The following SKOR2 variants were observed in gnomAD, a reference collection of about 807,000 sequenced individuals.
The protein encoded by SKOR2 is LBX1 corepressor 1-like protein.
SKOR2 carries 47 observed loss-of-function variants against 69.1 expected under a neutral mutation model. The observed-to-expected ratio is 0.68, with a 90% CI of 0.54 to 0.87. The LOEUF (loss-of-function observed/expected upper bound fraction) is 0.87, where lower values mean the gene tolerates loss of function less well. SKOR2 is among the 40% of genes least tolerant of loss of function. SKOR2 has a pLI of 0.00. For missense variants in SKOR2, 1,404 were observed against 1,472.2 expected, an observed-to-expected ratio of 0.95 and a Z score of 0.76; for synonymous variants, 717 against 672.6, an observed-to-expected ratio of 1.07 and a Z score of -1.02.
chr18:47,217,198 T>A (rs2064146635), intron 7 of SKOR2, among the ~76,000 whole-genome samples: 1 of 152,218 alleles, frequency 6.6e-6, no homozygotes, highest in East Asian at 1.9e-4. Flanking sequence ...TCCACTATTG[T>A]AGGTACTACT....
Position 47,247,043 on chromosome 18 carries a change from C to A in SKOR2, c.2141G>T (p.Arg714Leu). Residue 714 changes from arginine to leucine, a missense_variant, in exon 2 of 9, where the codon CGA (arginine) becomes CTA (leucine). Transcript: ENST00000425639. This position sits in a 1 kb window ranked among gnomAD's most constrained non-coding sequence, Gnocchi z 6.6. ...PPPLAQHPHH[R>L]GLLSPGGTSC... ...GGTTCCCCCGGGAGACAGAAGGCCT[C>A]GGTGGTGCGGGTGCTGGGCCAGAGG... The A allele has an allele frequency of 7.3e-7, 1 of 1,374,514 alleles. No individual in the cohort carries two copies. Among genetic ancestry groups the A allele is most frequent in the East Asian group, 4.1e-5 (1 of 24,160 alleles). 85.1% of individuals were successfully genotyped at this position (1,374,514 alleles called of 1,614,324 possible).
chr18:47,242,006 A>G (rs2064251048), intron 4 of SKOR2, among the ~76,000 whole-genome samples: 1 of 152,206 alleles, frequency 6.6e-6, no homozygotes, highest in Non-Finnish European at 1.5e-5. Flanking sequence ...TGGAATTTTT[A>G]TATGAACACC....
rs1252712461 is a variant in SKOR2 at position 47,246,638 on chromosome 18, C to T, written c.2546G>A (p.Gly849Asp). The T allele has an allele frequency of 1.3e-6, 2 of 1,519,684 alleles. No homozygotes were observed. The highest frequency in any genetic ancestry group is 1.8e-6 in the Non-Finnish European group (2 of 1,140,568). 94.1% of individuals were successfully genotyped at this position (1,519,684 alleles called of 1,614,324 possible). Residue 849 changes from glycine to aspartate, a missense_variant, in exon 2 of 9, where the codon GGC becomes GAC. Gly to Asp is a moderately conservative substitution (Grantham distance 94). Transcript: ENST00000425639. ...PPLAPQKASGGGSSSPGSPVH... is the reference protein window; with the variant it reads ...PPLAPQKASGDGSSSPGSPVH... Reference sequence around the variant, plus strand: ...TGGGCTGCCCGGGCTGCTGCTGCCGCCGCCACTCGCCTTCTGGGGGGCCAG... The same window carrying T: ...TGGGCTGCCCGGGCTGCTGCTGCCGTCGCCACTCGCCTTCTGGGGGGCCAG...
rs748154246 is a variant in SKOR2 at position 47,248,730 on chromosome 18, C to A, written c.454G>T (p.Ala152Ser). 54 of 1,553,980 alleles carry A rather than the reference C, an allele frequency of 3.5e-5. No homozygotes were observed. Among genetic ancestry groups the A allele is most frequent in the Non-Finnish European group, 4.6e-5 (53 of 1,156,146 alleles). The change falls in exon 2 of 9, where the codon GCC becomes TCC. Residue 152 changes from alanine to serine, a missense_variant. Physicochemically the swap from Ala to Ser is moderately conservative, Grantham distance 99. This residue lies in a region of SKOR2 where 1,266 missense variants were observed against 1,309.9 expected (regional missense o/e 0.97). Coordinates refer to ENST00000425639, the MANE Select transcript of SKOR2 (RefSeq NM_001278063.4). This position sits in a 1 kb window ranked among gnomAD's most constrained non-coding sequence, Gnocchi z 6.4. The part of the protein sequence containing the change: ...NFAFDVSHEC[A>S]WGCRGSFIPA... ...ATGAAGCTGCCGCGGCAGCCCCAGG[C>A]GCACTCGTGTGACACGTCGAAGGCG...
chr18:47,222,710 G>C (rs1244192647), intron 6 of SKOR2, among the ~76,000 whole-genome samples: 4 of 152,194 alleles, frequency 2.6e-5, no homozygotes, highest in African/African-American at 9.6e-5. Flanking sequence ...GACCAGGGTG[G>C]TAAACTAAGA....
chr18:47,249,205 C>T lies in SKOR2; in HGVS notation c.-22G>A, dbSNP rs2064302237. 1.3e-6 allele frequency: 2 copies of T among 1,529,192 alleles called. No individual in the cohort carries two copies. Among genetic ancestry groups the T allele is most frequent in the East Asian group, 2.4e-5 (1 of 40,852 alleles). The allele number at this position is 1,529,192 out of a possible 1,614,324, so 94.7% of individuals were successfully genotyped here. On this transcript the variant is annotated 5_prime_UTR_variant, in exon 2 of 9. Coordinates refer to ENST00000425639, the MANE Select transcript of SKOR2 (RefSeq NM_001278063.4). ...CCATCTCCGCCGCAGAACCCCGGGCCGAGCCCTACAGGTCTGCCTTGGACA... is the reference window on the plus strand; with the variant it reads ...CCATCTCCGCCGCAGAACCCCGGGCTGAGCCCTACAGGTCTGCCTTGGACA...
At position 47,247,318 on chromosome 18, in the gene SKOR2, G is replaced by T. The variant is rs1473034670; in HGVS notation, c.1866C>A (p.Ser622Arg). ...KAGGGSYHHS[S>R]AFRPVGGKDD... ...CCTTGCCGCCCACTGGCCGGAAGGC[G>T]CTGGAATGGTGGTAGCTGCCACCGC... Residue 622 changes from serine (S) to arginine (R), a missense_variant, in exon 2 of 9, where the codon AGC (serine) becomes AGA (arginine). Physicochemically the swap from Ser to Arg is moderately radical, Grantham distance 110. This residue lies in a region of SKOR2 where 1,266 missense variants were observed against 1,309.9 expected (regional missense o/e 0.97). Coordinates refer to ENST00000425639, the MANE Select transcript of SKOR2 (RefSeq NM_001278063.4). This position sits in a 1 kb window ranked among gnomAD's most constrained non-coding sequence, Gnocchi z 6.6. 3 of 1,481,558 alleles carry T rather than the reference G, an allele frequency of 2.0e-6. 1 individual carries two copies. The highest frequency in any genetic ancestry group is 2.7e-6 in the Non-Finnish European group (3 of 1,122,134). 91.8% of individuals were successfully genotyped at this position (1,481,558 alleles called of 1,614,324 possible). A position where few individuals can be genotyped will look rare whatever the true frequency, so the allele number is the denominator to read the frequency against.
At position 47,233,320 on chromosome 18, in the gene SKOR2, A is replaced by G. The variant is rs181978542; in HGVS notation, c.2753-2320T>C. ...CATATAAAAAGAAAATAGAGAGGAA[A>G]TATCTGTGAAGCATTTTAAATATAG... is the stretch of plus-strand genomic sequence containing the variant. On this transcript the variant is annotated intron_variant, in intron 4 of 8. Coordinates refer to ENST00000425639, the MANE Select transcript of SKOR2 (RefSeq NM_001278063.4). Among the ~76,000 whole-genome samples the G allele has an allele frequency of 2.6e-3, 402 of 152,318 alleles. 2 individuals are homozygous for G. The highest frequency in any genetic ancestry group is 3.8e-3 in the Admixed American group (58 of 15,298).
At position 47,248,898 on chromosome 18, in the gene SKOR2, G is replaced by C. The variant is rs1397949602; in HGVS notation, c.286C>G (p.Pro96Ala). The change falls in exon 2 of 9, where the codon CCG becomes GCG. Residue 96 changes from proline to alanine, a missense_variant. Pro to Ala is a conservative substitution (Grantham distance 27). Coordinates refer to ENST00000425639, the MANE Select transcript of SKOR2 (RefSeq NM_001278063.4). The surrounding 1 kb of genome is among the most constrained non-coding windows in gnomAD (Gnocchi z 6.4). ...CGCCGCAGGATCTCCAGTTGCACCG[G>C]CGTGCACTGCACACACGTGATGCCC... is the stretch of plus-strand genomic sequence containing the variant. ...ALGITCVQCT[P>A]VQLEILRRAG... 6.4e-7 allele frequency: 1 copy of C among 1,568,294 alleles called. No homozygotes were observed. The highest frequency in any genetic ancestry group is 8.6e-7 in the Non-Finnish European group (1 of 1,164,460).
intron 7 of SKOR2, among the ~76,000 whole-genome samples, chr18:47,214,609 A>G (rs1033101090): frequency 3.3e-5 from 5 of 152,186 alleles, no homozygotes; most frequent in African/African-American, 1.2e-4. Flanking sequence ...TATTTCACTG[A>G]TTCCAGGATG....
At chr18:47,249,950 T>C (rs1253287192) in intron 1 of SKOR2, among the ~76,000 whole-genome samples, 1 of 152,258 alleles carries the variant, frequency 6.6e-6, no homozygotes, top group Non-Finnish European at 1.5e-5. Context: ...TGAGTGGTTC[T>C]GGTCTCAGAT....
At chr18:47,250,856 CT>C (rs1403485414) in intron 1 of SKOR2, among the ~76,000 whole-genome samples, 2 of 152,200 alleles carry the variant, frequency 1.3e-5, no homozygotes, top group Non-Finnish European at 2.9e-5. Context: ...ACAACCAACA[CT>C]AGCTTCGTCA....
intron 4 of SKOR2, among the ~76,000 whole-genome samples, chr18:47,239,158 T>C (rs970446973): frequency 6.6e-6 from 1 of 152,150 alleles, no homozygotes; most frequent in Non-Finnish European, 1.5e-5. Flanking sequence ...GCACAACATA[T>C]GGCATAGAGA....
intron 4 of SKOR2, among the ~76,000 whole-genome samples, chr18:47,243,598 A>G (rs1239943157): frequency 6.6e-6 from 1 of 152,304 alleles, no homozygotes; most frequent in East Asian, 1.9e-4. Context: ...TTTGTGAAAT[A>G]TCATACTAGG....
chr18:47,224,009 G>A (rs1474867790), intron 6 of SKOR2, among the ~76,000 whole-genome samples: 1 of 151,620 alleles, frequency 6.6e-6, no homozygotes, highest in Non-Finnish European at 1.5e-5. Context: ...GGGTTCAAGC[G>A]ATTCTCCTGC....
chr18:47,247,553 G>T lies in SKOR2; in HGVS notation c.1631C>A (p.Pro544Gln). The T allele has an allele frequency of 8.2e-7, 1 of 1,226,288 alleles. No homozygotes were observed. The highest frequency in any genetic ancestry group is 1.0e-6 in the Non-Finnish European group (1 of 985,084). 76.0% of individuals were successfully genotyped at this position (1,226,288 alleles called of 1,614,324 possible). A position where few individuals can be genotyped will look rare whatever the true frequency, so the allele number is the denominator to read the frequency against. The change falls in exon 2 of 9, where the codon CCA (proline) becomes CAA (glutamine). Residue 544 changes from proline to glutamine, a missense_variant. Around this residue, in one of 3 missense-constraint regions of SKOR2, gnomAD observed 1,266 missense variants for 1,309.9 expected, o/e 0.97. Coordinates refer to ENST00000425639, the MANE Select transcript of SKOR2 (RefSeq NM_001278063.4). This position sits in a 1 kb window ranked among gnomAD's most constrained non-coding sequence, Gnocchi z 6.6. ...QVVANGPGSG[P>Q]PPPAGGAGSR... ...GCCGGCGCCCCCGGCAGGAGGAGGT[G>T]GGCCGGAGCCCGGGCCGTTGGCCAC...
rs1196099543 is a variant in SKOR2 at position 47,248,302 on chromosome 18, G to GGGCGGCGGT, written c.873_881dup (p.Pro292_Pro294dup). On this transcript the variant is annotated inframe_insertion, in exon 2 of 9. Transcript: ENST00000425639. This position sits in a 1 kb window ranked among gnomAD's most constrained non-coding sequence, Gnocchi z 6.4. ...GCGGGGCACCAGCCAGCTCTGCCAAGGGCGGCGGTGGCGGCGGCGGCGGCG... is the reference window on the plus strand; with the variant it reads ...GCGGGGCACCAGCCAGCTCTGCCAAGGGCGGCGGTGGCGGCGGTGGCGGCGGCGGCGGCG... 1 of 1,208,100 alleles carries GGGCGGCGGT rather than the reference G, an allele frequency of 8.3e-7. No individual in the cohort carries two copies. The highest frequency in any genetic ancestry group is 1.0e-6 in the Non-Finnish European group (1 of 975,224). 74.8% of individuals were successfully genotyped at this position (1,208,100 alleles called of 1,614,324 possible).
In SKOR2 at chr18:47,212,124, T is replaced by C. The variant is rs1274587943; in HGVS notation, c.3013A>G (p.Lys1005Glu). The C allele has an allele frequency of 3.2e-6, 4 of 1,231,910 alleles. No individual in the cohort carries two copies. The highest frequency in any genetic ancestry group is 4.0e-6 in the Non-Finnish European group (4 of 987,878). 76.3% of individuals were successfully genotyped at this position (1,231,910 alleles called of 1,614,324 possible). A position where few individuals can be genotyped will look rare whatever the true frequency, so the allele number is the denominator to read the frequency against. Residue 1005 changes from lysine (K) to glutamate (E), a missense_variant, in exon 8 of 9, where the codon AAA (lysine) becomes GAA (glutamate). This residue lies in a region of SKOR2 where 1,266 missense variants were observed against 1,309.9 expected (regional missense o/e 0.97). Coordinates refer to ENST00000425639, the MANE Select transcript of SKOR2 (RefSeq NM_001278063.4). Reference protein sequence around the residue: ...IIPYAASLIRKEKLGAHLSKS With the variant: ...IIPYAASLIREEKLGAHLSKS ...CTGAGATGGGCGCCAAGCTTTTCTT[T>C]CCTGATCAAACTTGCTGCATAGGGG... is the stretch of plus-strand genomic sequence containing the variant.
intron 1 of SKOR2, among the ~76,000 whole-genome samples, chr18:47,250,893 T>C (rs2064309475): frequency 6.6e-6 from 1 of 152,112 alleles, no homozygotes; most frequent in Non-Finnish European, 1.5e-5. Context: ...CTCATTTCCC[T>C]ACCAAACAAG....
Sources: allele counts gnomAD v4.1 joint callset (sites outside exome capture counted in the v4.1 genomes callset), GRCh38; gene constraint gnomAD v4.1.1; regional missense constraint gnomAD v4.1.1; non-coding constraint Gnocchi (gnomAD v3.1); transcripts MANE v1.5; gene names NCBI Gene and HGNC (gene_info 2026-07-23, HGNC 2026-07-21).